The following NOP2 variants were observed in gnomAD, a reference collection of about 807,000 sequenced individuals.
The protein encoded by NOP2 is NOP2 nucleolar protein, also known as 28S rRNA (cytosine(4447)-C(5))-methyltransferase.
NOP2 carries 7 observed loss-of-function variants against 72.7 expected under a neutral mutation model. The observed-to-expected ratio is 0.10, with a 90% CI of 0.05 to 0.18. The LOEUF (loss-of-function observed/expected upper bound fraction) is 0.18, where lower values mean the gene tolerates loss of function less well. Among genes scored for constraint, NOP2 ranks in the 10% least tolerant of loss-of-function variants. The pLI is 1.00. For synonymous variants in NOP2, 387 were observed against 388.0 expected, an observed-to-expected ratio of 1.00 and a Z score of 0.03; for missense variants, 954 against 1,014.7, an observed-to-expected ratio of 0.94 and a Z score of 0.81.
At position 6,563,897 on chromosome 12, in the gene NOP2, G is replaced by A. The variant is rs1450201563; in HGVS notation, c.524C>T (p.Ala175Val). The change falls in exon 6 of 16, where the codon GCT becomes GTT. Residue 175 changes from alanine (A) to valine (V), a missense_variant. Ala to Val is a moderately conservative substitution (Grantham distance 64, BLOSUM62 0). Transcript: ENST00000322166. ...AARKQKAREA[A>V]AGIQWSEEET... ...AATAGCTTCCAAAACTCACCCAGCA[G>A]CAGCTTCCCGGGCCTTCTGCTTCCG... 2 of 1,613,678 alleles carry A rather than the reference G, an allele frequency of 1.2e-6. No individual in the cohort carries two copies. Among genetic ancestry groups the A allele is most frequent in the Non-Finnish European group, 1.7e-6 (2 of 1,179,846 alleles).
In NOP2 at chr12:6,557,250, G is replaced by C. The variant is rs779232249; in HGVS notation, c.2182C>G (p.Pro728Ala). Residue 728 changes from proline to alanine, a missense_variant, in exon 16 of 16, where the codon CCG becomes GCG. Coordinates refer to ENST00000322166, the MANE Select transcript of NOP2 (RefSeq NM_001258308.2). ...GTCTTGGATGGGGATAACACAGCCG[G>C]TGTTTGTGTGTCTGTGCCCTTGGGA... is the stretch of plus-strand genomic sequence containing the variant. The part of the protein sequence containing the change: ...APPKGTDTQT[P>A]AVLSPSKTQA... 2.3e-5 allele frequency: 37 copies of C among 1,613,968 alleles called. No homozygotes were observed. The highest frequency in any genetic ancestry group is 3.1e-5 in the Non-Finnish European group (36 of 1,179,824).
In NOP2 at chr12:6,563,648, T is replaced by C. The variant is rs1262638437; in HGVS notation, c.654A>G (p.Pro218=). Residue 218 remains proline (P), a synonymous_variant, in exon 7 of 16, where the codon CCA becomes CCG. Coordinates refer to ENST00000322166, the MANE Select transcript of NOP2 (RefSeq NM_001258308.2). ...GGLQINVDEE[P]FVLPPAGEME... The stretch of plus-strand genomic sequence containing the variant: ...TCTCCCCAGCAGGGGGCAGCACAAA[T>C]GGTTCCTCATCCACATTGATCTGCA... The C allele has an allele frequency of 5.6e-6, 9 of 1,613,220 alleles. No individual in the cohort carries two copies. The highest frequency in any genetic ancestry group is 1.6e-4 in the Middle Eastern group (1 of 6,084).
chr12:6,557,297 G>C lies in NOP2; in HGVS notation c.2135C>G (p.Ala712Gly). 6.2e-7 allele frequency: 1 copy of C among 1,614,042 alleles called. No homozygotes were observed. Among genetic ancestry groups the C allele is most frequent in the South Asian group, 1.1e-5 (1 of 91,090 alleles). ...GGGAGGGGCATTCTGCCTGAGGAAA[G>C]CAACTTTCTTGGAGGACTGTAATTT... ...SPKLQSSKKV[A>G]FLRQNAPPKG... The change falls in exon 16 of 16, where the codon GCT (alanine) becomes GGT (glycine). Residue 712 changes from alanine (A) to glycine (G), a missense_variant. By Grantham distance (60) the Ala-to-Gly change is moderately conservative. Around this residue, in one of 3 missense-constraint regions of NOP2, gnomAD observed 269 missense variants for 260.2 expected, o/e 1.03. Coordinates refer to ENST00000322166, the MANE Select transcript of NOP2 (RefSeq NM_001258308.2).
chr12:6,556,916 G>C lies in NOP2; in HGVS notation c.*77C>G. ...TTAAATTTCATGGGTATGCACAGTA[G>C]AGAAGGCATCCTCACAGAGGCAAGA... On this transcript the variant is annotated 3_prime_UTR_variant, in exon 16 of 16. Transcript: ENST00000322166. 6.5e-7 allele frequency: 1 copy of C among 1,532,092 alleles called. No homozygotes were observed. Among genetic ancestry groups the C allele is most frequent in the East Asian group, 2.3e-5 (1 of 44,176 alleles). 94.9% of individuals were successfully genotyped at this position (1,532,092 alleles called of 1,614,324 possible).
chr12:6,562,954 T>G, intron 9 of NOP2, 127 bp downstream of exon 9: 1 of 906,472 alleles, frequency 1.1e-6, no homozygotes, highest in Non-Finnish European at 1.8e-6. Flanking sequence ...GGCCTCTGGG[T>G]TTGCCCCCCC....
At chr12:6,565,657 T>C (rs1353908748) in intron 5 of NOP2, among the ~76,000 whole-genome samples, 4 of 152,096 alleles carry the variant, frequency 2.6e-5, no homozygotes, top group African/African-American at 9.7e-5. Flanking sequence ...TAATTTTTTG[T>C]AGATACGGGA....
Position 6,557,472 on chromosome 12 carries a change from A to G in NOP2, c.1960T>C (p.Ser654Pro). ...KASFQKLNGISKGADSELSTV... is the reference protein window; with the variant it reads ...KASFQKLNGIPKGADSELSTV... ...GACAATTCTGAGTCTGCCCCTTTGG[A>G]GATGCCATTCAGCTTCTGGAAGGAG... The change falls in exon 16 of 16, where the codon TCC becomes CCC. Residue 654 changes from serine (S) to proline (P), a missense_variant. This residue lies in a region of NOP2 where 269 missense variants were observed against 260.2 expected (regional missense o/e 1.03). Coordinates refer to ENST00000322166, the MANE Select transcript of NOP2 (RefSeq NM_001258308.2). 3 of 1,613,836 alleles carry G rather than the reference A, an allele frequency of 1.9e-6. No homozygotes were observed. The highest frequency in any genetic ancestry group is 2.5e-6 in the Non-Finnish European group (3 of 1,179,862).
intron 5 of NOP2, 83 bp downstream of exon 5, chr12:6,566,018 C>T (rs1209722614): frequency 8.5e-7 from 1 of 1,182,988 alleles, no homozygotes; most frequent in Non-Finnish European, 1.2e-6. Flanking sequence ...TTATCCTTGC[C>T]ACTAAGAAAC....
In NOP2 at chr12:6,568,200, G is replaced by C; in HGVS notation, c.-5+7C>G. The C allele has an allele frequency of 2.5e-6, 1 of 407,590 alleles. No homozygotes were observed. The highest frequency in any genetic ancestry group is 4.4e-6 in the Non-Finnish European group (1 of 225,328). 25.2% of individuals were successfully genotyped at this position (407,590 alleles called of 1,614,324 possible). ...ACTCTTCGTCCCCCAATTTCCTCTA[G>C]ACCCACCAGAATGCGGGTTAATGTC... On this transcript the variant is annotated splice_region_variant and intron_variant, in intron 1 of 15. Coordinates refer to ENST00000322166, the MANE Select transcript of NOP2 (RefSeq NM_001258308.2).
intron 15 of NOP2, among the ~76,000 whole-genome samples, chr12:6,559,280 AG>A (rs1331764749): frequency 6.6e-6 from 1 of 152,126 alleles, no homozygotes; most frequent in Non-Finnish European, 1.5e-5. Context: ...CACCAAGCTC[AG>A]CTAATTTTTT....
intron 5 of NOP2, among the ~76,000 whole-genome samples, chr12:6,565,284 G>A (rs1947749288): frequency 6.6e-6 from 1 of 151,712 alleles, no homozygotes; most frequent in Non-Finnish European, 1.5e-5. Context: ...ATCCTGAGAA[G>A]CTGGGACTAC....
In NOP2 at chr12:6,560,620, G is replaced by C. The variant is rs1282089214; in HGVS notation, c.1438-51C>G. The C allele has an allele frequency of 1.9e-6, 3 of 1,607,340 alleles. No homozygotes were observed. The East Asian group carries it at 6.7e-5, about 36-fold the overall frequency. ...AGCCTCAGGAGGAGAGGGGAGCCCA[G>C]AGGGTGTCCCCATCTCAGTTTCCAG... On this transcript the variant is annotated intron_variant, in intron 13 of 15. Transcript: ENST00000322166. The surrounding 1 kb of genome is among the most constrained non-coding windows in gnomAD (Gnocchi z 5.0).
At chr12:6,564,742 T>G (rs1036329752) in intron 5 of NOP2, among the ~76,000 whole-genome samples, 1 of 151,846 alleles carries the variant, frequency 6.6e-6, no homozygotes. Context: ...TTTGTCGTTT[T>G]TTTTTTTTTT....
chr12:6,560,334 T>C lies in NOP2; in HGVS notation c.1561-8A>G, dbSNP rs1160563557. The C allele has an allele frequency of 6.2e-7, 1 of 1,611,606 alleles. No individual in the cohort carries two copies. The highest frequency in any genetic ancestry group is 8.5e-7 in the Non-Finnish European group (1 of 1,178,016). The stretch of plus-strand genomic sequence containing the variant: ...CCACTCATTCTCTTCTACCTGGATG[T>C]GGGGGGAAGACAAAGAACGGAGGAA... On this transcript the variant is annotated splice_region_variant and splice_polypyrimidine_tract_variant and intron_variant, in intron 14 of 15. Coordinates refer to ENST00000322166, the MANE Select transcript of NOP2 (RefSeq NM_001258308.2). This position sits in a 1 kb window ranked among gnomAD's most constrained non-coding sequence, Gnocchi z 5.0.
chr12:6,560,395 C>T lies in NOP2; in HGVS notation c.1560+52G>A. On this transcript the variant is annotated intron_variant, in intron 14 of 15. Coordinates refer to ENST00000322166, the MANE Select transcript of NOP2 (RefSeq NM_001258308.2). This position sits in a 1 kb window ranked among gnomAD's most constrained non-coding sequence, Gnocchi z 5.0. ...TGGAGCTGAAGGGAGCTCTAAGGGG[C>T]AAAGAGCCCCCCAGCCCAGCCTCCC... 6.3e-7 allele frequency: 1 copy of T among 1,598,238 alleles called. No homozygotes were observed. The highest frequency in any genetic ancestry group is 1.1e-5 in the South Asian group (1 of 89,886).
chr12:6,563,263 C>T (rs1318545228), intron 8 of NOP2, 52 bp downstream of exon 8: 15 of 1,539,630 alleles, frequency 9.7e-6, no homozygotes, highest in Admixed American at 3.9e-5. Flanking sequence ...CCTTACACAG[C>T]GTAAGGAGGC....
At chr12:6,563,289 A>G (rs1259534142) in intron 8 of NOP2, 26 bp downstream of exon 8, 4 of 1,568,634 alleles carry the variant, frequency 2.5e-6, no homozygotes, top group Non-Finnish European at 1.7e-6. Flanking sequence ...AAGAAAAGCA[A>G]AAGAGGCATT....
In NOP2 at chr12:6,557,240, A is replaced by G. The variant is rs1247053428; in HGVS notation, c.2192T>C (p.Leu731Ser). The G allele has an allele frequency of 2.5e-6, 4 of 1,613,854 alleles. No homozygotes were observed. Among genetic ancestry groups the G allele is most frequent in the Non-Finnish European group, 3.4e-6 (4 of 1,179,892 alleles). ...GGTGGCCTGAGTCTTGGATGGGGATAACACAGCCGGTGTTTGTGTGTCTGT... is the reference window on the plus strand; with the variant it reads ...GGTGGCCTGAGTCTTGGATGGGGATGACACAGCCGGTGTTTGTGTGTCTGT... ...KGTDTQTPAV[L>S]SPSKTQATLK... is the part of the protein sequence containing the mutation. The change falls in exon 16 of 16, where the codon TTA becomes TCA. Residue 731 changes from leucine (L) to serine (S), a missense_variant. Physicochemically the swap from Leu to Ser is moderately radical, Grantham distance 145. Coordinates refer to ENST00000322166, the MANE Select transcript of NOP2 (RefSeq NM_001258308.2).
rs748213957 is a variant in NOP2, at chr12:6,560,800, T to C, written c.1348-13A>G. The stretch of plus-strand genomic sequence containing the variant: ...AGCCCCCCACCACCTGGAGAAAAGA[T>C]ACAGATGAATCATATGTCTCTTCTG... On this transcript the variant is annotated splice_polypyrimidine_tract_variant and intron_variant, in intron 12 of 15. Coordinates refer to ENST00000322166, the MANE Select transcript of NOP2 (RefSeq NM_001258308.2). This position sits in a 1 kb window ranked among gnomAD's most constrained non-coding sequence, Gnocchi z 5.0. 5 of 1,611,454 alleles carry C rather than the reference T, an allele frequency of 3.1e-6. No homozygotes were observed. In the Admixed American group the frequency reaches 5.0e-5, roughly 16 times the overall value.
Sources: allele counts gnomAD v4.1 joint callset (sites outside exome capture counted in the v4.1 genomes callset), GRCh38; gene constraint gnomAD v4.1.1; regional missense constraint gnomAD v4.1.1; non-coding constraint Gnocchi (gnomAD v3.1); transcripts MANE v1.5; gene names NCBI Gene and HGNC (gene_info 2026-07-23, HGNC 2026-07-21).